Variants in WWOX observed in about 807,000 individuals in gnomAD.
WWOX encodes the protein WW domain containing oxidoreductase.
WWOX carries 69 observed loss-of-function variants against 46.2 expected under a neutral mutation model. The ratio of observed to expected loss-of-function variants is 1.49; its 90% CI spans 1.23 to 1.82. WWOX has a LOEUF of 1.82. Among genes scored for constraint, WWOX ranks in the 40% most tolerant of loss-of-function variants. The pLI, the probability that WWOX is intolerant of heterozygous loss-of-function variation, is 0.00. For missense variants in WWOX, 919 were observed against 542.6 expected (o/e 1.69, Z -6.89); for synonymous variants, 359 against 202.6 (o/e 1.77, Z -6.56).
At chr16:79,193,711 A>C (rs749659039) in intron 8 of WWOX, among the ~76,000 whole-genome samples, 17 of 152,220 alleles carry the variant, frequency 1.1e-4, no homozygotes, top group Non-Finnish European at 1.6e-4. Flanking sequence ...GTTTGGAGGA[A>C]GGAGAGGAAA....
chr16:78,997,812 G>A (rs1283400409), intron 8 of WWOX, among the ~76,000 whole-genome samples: 2 of 152,134 alleles, frequency 1.3e-5, no homozygotes, highest in African/African-American at 2.4e-5. Context: ...GATTTTCTCT[G>A]CAGATTTCAC....
At chr16:78,912,722 C>G (rs2045143561) in intron 8 of WWOX, among the ~76,000 whole-genome samples, 1 of 151,982 alleles carries the variant, frequency 6.6e-6, no homozygotes, top group South Asian at 2.1e-4. Context: ...ATGGTCTTTA[C>G]TTGTGATTAG....
intron 8 of WWOX, among the ~76,000 whole-genome samples, chr16:78,940,323 T>C (rs1049261492): frequency 2.0e-5 from 3 of 152,238 alleles, no homozygotes; most frequent in African/African-American, 7.2e-5. Context: ...TCGTCATTGC[T>C]CGCTATAGAA....
At chr16:79,059,661 A>AT (rs1243177894) in intron 8 of WWOX, among the ~76,000 whole-genome samples, 1 of 151,992 alleles carries the variant, frequency 6.6e-6, no homozygotes, top group East Asian at 1.9e-4. Context: ...TGCCCGGCTA[A>AT]TTTTTTGTAT....
At chr16:78,620,519 G>C (rs1247512730) in intron 8 of WWOX, among the ~76,000 whole-genome samples, 1 of 152,154 alleles carries the variant, frequency 6.6e-6, no homozygotes, top group Non-Finnish European at 1.5e-5. Context: ...ACCCTCTCCA[G>C]ACTAGACACT....
chr16:78,604,210 C>G (rs1309483084), intron 8 of WWOX, among the ~76,000 whole-genome samples: 1 of 151,822 alleles, frequency 6.6e-6, no homozygotes, highest in Non-Finnish European at 1.5e-5. Flanking sequence ...GTGGATGGGC[C>G]CAAAATACTT....
At chr16:78,880,077 AC>A (rs1431650034) in intron 8 of WWOX, among the ~76,000 whole-genome samples, 1 of 152,196 alleles carries the variant, frequency 6.6e-6, no homozygotes, top group Non-Finnish European at 1.5e-5. Context: ...AGTTGATGAT[AC>A]CGTATGCAAC....
At chr16:78,737,931 T>C (rs2049128370) in intron 8 of WWOX, among the ~76,000 whole-genome samples, 1 of 152,142 alleles carries the variant, frequency 6.6e-6, no homozygotes, top group Non-Finnish European at 1.5e-5. Context: ...TCAGTATTTA[T>C]TGTTTTAATC....
chr16:78,877,029 A>C (rs1177109331), intron 8 of WWOX, among the ~76,000 whole-genome samples: 1 of 152,218 alleles, frequency 6.6e-6, no homozygotes, highest in Non-Finnish European at 1.5e-5. Flanking sequence ...GAAGAGGTCC[A>C]GGACATTTAA....
At chr16:78,439,463 A>G (rs187087345) in intron 8 of WWOX, among the ~76,000 whole-genome samples, 1 of 152,178 alleles carries the variant, frequency 6.6e-6, no homozygotes, top group Non-Finnish European at 1.5e-5. Context: ...GATTAACATT[A>G]CCATTGGTTT....
chr16:78,626,450 T>G (rs2046313636), intron 8 of WWOX, among the ~76,000 whole-genome samples: 1 of 152,222 alleles, frequency 6.6e-6, no homozygotes, highest in Admixed American at 6.5e-5. Context: ...TTGGGATTTT[T>G]ATGATGTTTT....
chr16:78,685,239 G>C (rs547461581), intron 8 of WWOX, among the ~76,000 whole-genome samples: 4 of 152,322 alleles, frequency 2.6e-5, no homozygotes, highest in Admixed American at 6.5e-5. Flanking sequence ...CCTAATGGTA[G>C]AGTCAAGTGT....
In WWOX at chr16:78,969,707, G is replaced by A. The variant is rs539896066; in HGVS notation, c.1057-241901G>A. Among the ~76,000 whole-genome samples, 22 of 152,222 alleles carry A rather than the reference G, an allele frequency of 1.4e-4. No individual in the cohort carries two copies. In the South Asian group the frequency reaches 2.3e-3, roughly 16 times the overall value. ...AAAGAAAAGAAAGAAAGGAAAATTC[G>A]CATGTTGAAAACATTGTACTAATCA... is the stretch of plus-strand genomic sequence containing the variant. On this transcript the variant is annotated intron_variant, in intron 8 of 8. Coordinates refer to ENST00000566780, the MANE Select transcript of WWOX (RefSeq NM_016373.4).
chr16:78,865,737 A>G (rs1326680973), intron 8 of WWOX, among the ~76,000 whole-genome samples: 1 of 152,062 alleles, frequency 6.6e-6, no homozygotes, highest in Non-Finnish European at 1.5e-5. Flanking sequence ...AAAATTAGCC[A>G]TGCTTGGTGG....
chr16:78,259,240 CA>C (rs1306111526), intron 5 of WWOX, among the ~76,000 whole-genome samples: 1 of 152,124 alleles, frequency 6.6e-6, no homozygotes, highest in African/African-American at 2.4e-5. Context: ...AAAAGTGATA[CA>C]AAAGACCAAG....
chr16:78,978,071 G>C (rs1005665822), intron 8 of WWOX, among the ~76,000 whole-genome samples: 1 of 152,136 alleles, frequency 6.6e-6, no homozygotes, highest in Non-Finnish European at 1.5e-5. Flanking sequence ...TCTACCTTCT[G>C]TCTCAGTAGG....
chr16:79,039,434 G>C (rs971889056), intron 8 of WWOX, among the ~76,000 whole-genome samples: 1 of 152,142 alleles, frequency 6.6e-6, no homozygotes, highest in South Asian at 2.1e-4. Flanking sequence ...GGAACAGGAG[G>C]AGCAGCTTCC....
chr16:79,044,841 C>T (rs1243998475), intron 8 of WWOX, among the ~76,000 whole-genome samples: 1 of 152,202 alleles, frequency 6.6e-6, no homozygotes, highest in African/African-American at 2.4e-5. Context: ...CTTAACAGCT[C>T]TGTGACCCTG....
At chr16:78,833,809 C>T (rs746568692) in intron 8 of WWOX, among the ~76,000 whole-genome samples, 2 of 152,260 alleles carry the variant, frequency 1.3e-5, no homozygotes, top group Non-Finnish European at 2.9e-5. Flanking sequence ...CAGAGTCACA[C>T]AGCTCACAAG....
Sources: gnomAD v4.1 joint callset for allele counts (sites outside exome capture counted in the v4.1 genomes callset) on GRCh38, gnomAD v4.1.1 for gene constraint, MANE v1.5 for transcripts, NCBI Gene and HGNC (gene_info 2026-07-23, HGNC 2026-07-21) for gene names.